Variants in INPP4B observed in about 807,000 individuals in gnomAD.
The protein encoded by INPP4B is inositol polyphosphate-4-phosphatase type II B, also known as inositol polyphosphate 4-phosphatase type II.
Under a neutral mutation model 122.5 loss-of-function variants are expected in INPP4B, and 55 were observed. That is an observed-to-expected ratio of 0.45 (90% CI 0.36 to 0.56). The LOEUF is 0.56. Ranked by LOEUF, INPP4B falls within the 20% of genes least tolerant of loss-of-function variation. INPP4B has a pLI of 0.00. For missense variants in INPP4B, 1,000 were observed against 1,097.7 expected (o/e 0.91, Z 1.26); for synonymous variants, 403 against 388.7 (o/e 1.04, Z -0.43).
At chr4:142,810,832 A>G (rs1171903342) in intron 1 of INPP4B, among the ~76,000 whole-genome samples, 2 of 152,224 alleles carry the variant, frequency 1.3e-5, no homozygotes, top group African/African-American at 4.8e-5. Flanking sequence ...TCCTACACTT[A>G]TACTTAGATC....
At chr4:142,161,629 G>T (rs1360284830) in intron 16 of INPP4B, among the ~76,000 whole-genome samples, 3 of 151,802 alleles carry the variant, frequency 2.0e-5, no homozygotes. Context: ...ACAGTTCCAA[G>T]CCTAACTAGT....
At chr4:142,253,954 T>A (rs1327630103) in intron 11 of INPP4B, among the ~76,000 whole-genome samples, 1 of 152,212 alleles carries the variant, frequency 6.6e-6, no homozygotes, top group African/African-American at 2.4e-5. Flanking sequence ...TAAATGTCCC[T>A]GTCTGACAGC....
intron 1 of INPP4B, among the ~76,000 whole-genome samples, chr4:142,728,113 C>T (rs1035869043): frequency 2.0e-5 from 3 of 152,170 alleles, no homozygotes; most frequent in African/African-American, 7.2e-5. Context: ...GGAGTCTTCT[C>T]AATTTCTTGT....
intron 25 of INPP4B, among the ~76,000 whole-genome samples, chr4:142,037,660 C>T (rs891155036): frequency 3.3e-5 from 5 of 152,116 alleles, no homozygotes; most frequent in South Asian, 2.1e-4. Flanking sequence ...CCTGAAATTA[C>T]GAGCCAGGAT....
chr4:142,047,410 T>A (rs535993935), intron 25 of INPP4B, among the ~76,000 whole-genome samples: 2 of 152,184 alleles, frequency 1.3e-5, no homozygotes, highest in East Asian at 3.9e-4. Flanking sequence ...TTTCCCTGAC[T>A]TTTTTGTTTA....
intron 1 of INPP4B, among the ~76,000 whole-genome samples, chr4:142,791,083 G>A (rs1302166081): frequency 6.6e-6 from 1 of 152,042 alleles, no homozygotes; most frequent in African/African-American, 2.4e-5. Flanking sequence ...ATTATCTTTT[G>A]AACTTGGACT....
Position 142,431,267 on chromosome 4 carries a change from C to A in INPP4B, c.-8G>T, listed in dbSNP as rs1222454964. 1.2e-6 allele frequency: 2 copies of A among 1,610,788 alleles called. No homozygotes were observed. Among genetic ancestry groups the A allele is most frequent in the Non-Finnish European group, 1.7e-6 (2 of 1,177,414 alleles). On this transcript the variant is annotated 5_prime_UTR_variant, in exon 4 of 26. The change creates a new upstream start codon in the 5' untranslated region. Coordinates refer to ENST00000262992, the MANE Select transcript of INPP4B (RefSeq NM_001101669.3). ...TTCCTCTTTAATTTCCATGATCAAC[C>A]TTCACAGTTTTAAAATTTTCCAAAT... is the stretch of plus-strand genomic sequence containing the variant.
In INPP4B at chr4:142,346,859, G is replaced by A. The variant is rs114425572; in HGVS notation, c.373-32097C>T. 1.4e-3 allele frequency among the ~76,000 whole-genome samples: 219 copies of A among 152,118 alleles called. 1 individual carries two copies. The highest frequency in any genetic ancestry group is 5.2e-3 in the African/African-American group (214 of 41,528). On this transcript the variant is annotated intron_variant, in intron 7 of 25. Coordinates refer to ENST00000262992, the MANE Select transcript of INPP4B (RefSeq NM_001101669.3). ...CATTCTAAGAGGTAGAGCCAGTTCC[G>A]TGATGACACAGGAGTTAGGGGTTAG...
At chr4:142,033,999 ACTTAT>A (rs1742172459) in intron 25 of INPP4B, among the ~76,000 whole-genome samples, 1 of 152,064 alleles carries the variant, frequency 6.6e-6, no homozygotes, top group African/African-American at 2.4e-5. Flanking sequence ...CTGATACTCT[ACTTAT>A]CAGGCCAATC....
chr4:142,674,814 A>G (rs1757495291), intron 2 of INPP4B, among the ~76,000 whole-genome samples: 2 of 152,038 alleles, frequency 1.3e-5, no homozygotes, highest in African/African-American at 4.8e-5. Flanking sequence ...ATCAATGAGA[A>G]CAAAGAGGTA....
At chr4:142,051,129 A>G (rs1754361578) in intron 25 of INPP4B, among the ~76,000 whole-genome samples, 1 of 152,054 alleles carries the variant, frequency 6.6e-6, no homozygotes. Flanking sequence ...AAATAAATAT[A>G]TAGGTTTCTC....
intron 18 of INPP4B, among the ~76,000 whole-genome samples, chr4:142,135,589 T>C (rs1232296573): frequency 6.6e-6 from 1 of 152,190 alleles, no homozygotes. Context: ...CTTCGCTTGA[T>C]TCATTCATAT....
intron 21 of INPP4B, among the ~76,000 whole-genome samples, chr4:142,118,175 T>G (rs1794689281): frequency 6.6e-6 from 1 of 152,152 alleles, no homozygotes; most frequent in Non-Finnish European, 1.5e-5. Flanking sequence ...CATTCCACGC[T>G]CATGCATAGG....
At chr4:142,275,827 C>T (rs1748125047) in intron 9 of INPP4B, among the ~76,000 whole-genome samples, 1 of 151,598 alleles carries the variant, frequency 6.6e-6, no homozygotes, top group Admixed American at 6.6e-5. Flanking sequence ...TCAGACATTC[C>T]ATCCATCATC....
In INPP4B at chr4:142,772,605, C is replaced by T. The variant is rs369995266; in HGVS notation, c.-253-46704G>A. 7.1e-4 allele frequency among the ~76,000 whole-genome samples: 108 copies of T among 152,142 alleles called. No individual in the cohort carries two copies. The Middle Eastern group carries it at 0.017, about 24-fold the overall frequency. On this transcript the variant is annotated intron_variant, in intron 1 of 25. Transcript: ENST00000262992. Reference sequence around the variant, plus strand: ...CCATCACGGCACAAGAAGGAATAAACGAATAAACACAACACAAACCCAACA... The same window carrying T: ...CCATCACGGCACAAGAAGGAATAAATGAATAAACACAACACAAACCCAACA...
chr4:142,720,621 T>C (rs901297356), intron 2 of INPP4B, among the ~76,000 whole-genome samples: 2 of 150,350 alleles, frequency 1.3e-5, no homozygotes, highest in African/African-American at 4.9e-5. Flanking sequence ...ATTTGTATTA[T>C]TTTTTATTGT....
intron 2 of INPP4B, among the ~76,000 whole-genome samples, chr4:142,711,920 T>C (rs888442096): frequency 6.6e-6 from 1 of 152,154 alleles, no homozygotes; most frequent in Non-Finnish European, 1.5e-5. Flanking sequence ...TGGTGGTACA[T>C]GACTGTAGTT....
intron 2 of INPP4B, among the ~76,000 whole-genome samples, chr4:142,545,207 A>C (rs1042982719): frequency 6.6e-6 from 1 of 152,236 alleles, no homozygotes; most frequent in African/African-American, 2.4e-5. Flanking sequence ...ACAATGAGGC[A>C]AAGATTTAAT....
intron 24 of INPP4B, among the ~76,000 whole-genome samples, chr4:142,085,658 G>A (rs1428849373): frequency 6.6e-6 from 1 of 152,126 alleles, no homozygotes; most frequent in African/African-American, 2.4e-5. Flanking sequence ...ATTACCCCAA[G>A]AGCAATCCAT....
Sources: allele counts gnomAD v4.1 joint callset (sites outside exome capture counted in the v4.1 genomes callset), GRCh38; gene constraint gnomAD v4.1.1; transcripts MANE v1.5; gene names NCBI Gene and HGNC (gene_info 2026-07-23, HGNC 2026-07-21).